TRAK2: variants seen among roughly 807,000 people sequenced by gnomAD.
The protein encoded by TRAK2 is trafficking kinesin protein 2, also known as trafficking kinesin-binding protein 2.
In TRAK2, 81 loss-of-function variants were observed where a neutral mutation model predicts 104.6. The ratio of observed to expected loss-of-function variants is 0.77; its 90% confidence interval spans 0.65 to 0.93. The LOEUF is 0.93. Among genes scored for constraint, TRAK2 ranks in the 40% least tolerant of loss-of-function variants. The pLI, the probability that TRAK2 is intolerant of heterozygous loss-of-function variation, is 0.00. For synonymous variants in TRAK2, 406 were observed against 394.4 expected (o/e 1.03, Z -0.35); for missense variants, 1,002 against 1,089.0 (o/e 0.92, Z 1.12).
At chr2:201,444,781 C>A (rs1211176246) in intron 1 of TRAK2, among the ~76,000 whole-genome samples, 1 of 151,892 alleles carries the variant, frequency 6.6e-6, no homozygotes, top group African/African-American at 2.4e-5. Context: ...TTTTCTCTCT[C>A]CTCCTTGCTG....
chr2:201,432,279 C>T (rs367771302), intron 1 of TRAK2, among the ~76,000 whole-genome samples: 28 of 152,206 alleles, frequency 1.8e-4, no homozygotes, highest in African/African-American at 6.3e-4. Context: ...GTCCTAAATG[C>T]AGTAGAAACT....
chr2:201,388,005 T>A lies in TRAK2; in HGVS notation c.1398-4A>T, dbSNP rs768849616. 2 of 1,613,906 alleles carry A rather than the reference T, an allele frequency of 1.2e-6. No individual in the cohort carries two copies. The highest frequency in any genetic ancestry group is 2.7e-5 in the African/African-American group (2 of 74,918). On this transcript the variant is annotated splice_polypyrimidine_tract_variant and splice_region_variant and intron_variant, in intron 12 of 15. Transcript: ENST00000332624. Reference sequence around the variant, plus strand: ...TTGGCCCATCTTCTGGGAGCTCCTATAGGAAAATCGCGTTCACTGATTAGA... The same window carrying A: ...TTGGCCCATCTTCTGGGAGCTCCTAAAGGAAAATCGCGTTCACTGATTAGA...
At chr2:201,448,329 T>C (rs1416156499) in intron 1 of TRAK2, among the ~76,000 whole-genome samples, 1 of 152,252 alleles carries the variant, frequency 6.6e-6, no homozygotes, top group East Asian at 1.9e-4. Context: ...ACCTTTGGTA[T>C]ATTTACTATC....
At chr2:201,434,044 G>A (rs983084060) in intron 1 of TRAK2, among the ~76,000 whole-genome samples, 6 of 151,732 alleles carry the variant, frequency 4.0e-5, no homozygotes, top group Admixed American at 2.0e-4. Flanking sequence ...TGCAACCTCC[G>A]CCTCCCGGGT....
chr2:201,407,526 T>C lies in TRAK2; in HGVS notation c.163A>G (p.Arg55Gly). 6.2e-7 allele frequency: 1 copy of C among 1,614,134 alleles called. No individual in the cohort carries two copies. Among genetic ancestry groups the C allele is most frequent in the Non-Finnish European group, 8.5e-7 (1 of 1,179,988 alleles). ...SLLEEQLPQY[R>G]LKVDTLFLYE... The stretch of plus-strand genomic sequence containing the variant: ...AGAAAGAGAGTGTCTACTTTTAGCC[T>C]ATACTGTGGTAGTTGTTCTTCTAGC... Residue 55 changes from arginine to glycine, a missense_variant, in exon 3 of 16, where the codon AGG becomes GGG. Coordinates refer to ENST00000332624, the MANE Select transcript of TRAK2 (RefSeq NM_015049.3).
At chr2:201,415,353 T>C (rs1390251785) in intron 2 of TRAK2, among the ~76,000 whole-genome samples, 2 of 152,132 alleles carry the variant, frequency 1.3e-5, no homozygotes, top group Admixed American at 6.5e-5. Context: ...ACAAAATTAC[T>C]AGATATGCAA....
At chr2:201,451,312 A>C (rs1952033881) in intron 1 of TRAK2, 38 bp downstream of exon 1, 1 of 152,198 alleles carries the variant, frequency 6.6e-6, no homozygotes, top group Admixed American at 6.5e-5. Context: ...GGAAGTTGTC[A>C]AGGGCAAGTT....
chr2:201,413,076 C>A (rs1367656089), intron 2 of TRAK2: 2 of 877,398 alleles, frequency 2.3e-6, no homozygotes, highest in Admixed American at 3.9e-5. Context: ...ATTATTTGAT[C>A]CTTTTCAAAT....
intron 2 of TRAK2, among the ~76,000 whole-genome samples, chr2:201,417,677 C>T (rs542706195): frequency 1.3e-5 from 2 of 152,242 alleles, no homozygotes; most frequent in South Asian, 4.1e-4. Context: ...AGGATGTTTG[C>T]TCTTACCATT....
chr2:201,414,068 T>A (rs572034990), intron 2 of TRAK2, among the ~76,000 whole-genome samples: 1 of 152,246 alleles, frequency 6.6e-6, no homozygotes, highest in East Asian at 1.9e-4. Flanking sequence ...AAGAAGTAAC[T>A]AAAATAAGCA....
intron 1 of TRAK2, among the ~76,000 whole-genome samples, chr2:201,423,305 G>A (rs974976064): frequency 1.8e-4 from 28 of 152,152 alleles, no homozygotes; most frequent in Non-Finnish European, 3.7e-4. Flanking sequence ...ACTGATACAT[G>A]CTGAATAAAT....
At chr2:201,393,241 AG>A (rs1465176294) in intron 9 of TRAK2, among the ~76,000 whole-genome samples, 195 bp from the exon 10 acceptor site, 3 of 152,162 alleles carry the variant, frequency 2.0e-5, no homozygotes, top group Admixed American at 1.3e-4. Flanking sequence ...AGAATTAGGG[AG>A]GGGTGTCTTG....
intron 15 of TRAK2, among the ~76,000 whole-genome samples, chr2:201,382,269 C>T (rs936318200): frequency 1.3e-5 from 2 of 152,084 alleles, no homozygotes; most frequent in African/African-American, 2.4e-5. Flanking sequence ...AATTTCCCTG[C>T]AAAACAAATG....
chr2:201,410,982 A>C, intron 2 of TRAK2: 3 of 1,506,986 alleles, frequency 2.0e-6, no homozygotes, highest in Non-Finnish European at 1.8e-6. Context: ...GGGCATGTTG[A>C]ATCCTGAAGT....
chr2:201,428,503 G>T (rs1576532429), intron 1 of TRAK2, among the ~76,000 whole-genome samples: 1 of 152,042 alleles, frequency 6.6e-6, no homozygotes. Context: ...ATTTTTCAGG[G>T]CTCTGTTCTG....
chr2:201,408,894 A>G (rs1325693169), intron 2 of TRAK2, among the ~76,000 whole-genome samples: 1 of 152,208 alleles, frequency 6.6e-6, no homozygotes, highest in Non-Finnish European at 1.5e-5. Flanking sequence ...AATTGCATTA[A>G]ATTTTACTGA....
At position 201,441,543 on chromosome 2, in the gene TRAK2, G is replaced by A. The variant is rs780997105; in HGVS notation, c.-200+9807C>T. On this transcript the variant is annotated intron_variant, in intron 1 of 15. Transcript: ENST00000332624. ...AGTGGTTTGGCCTAGTACTTGCTGAGAAAGTTAAGAATGGTTGAAATGTTT... is the reference window on the plus strand; with the variant it reads ...AGTGGTTTGGCCTAGTACTTGCTGAAAAAGTTAAGAATGGTTGAAATGTTT... Among the ~76,000 whole-genome samples, 19 of 152,292 alleles carry A rather than the reference G, an allele frequency of 1.2e-4. 1 individual carries two copies. Among genetic ancestry groups the A allele is most frequent in the Non-Finnish European group, 2.4e-4 (16 of 68,006 alleles).
intron 7 of TRAK2, among the ~76,000 whole-genome samples, chr2:201,396,935 A>T (rs1951508043): frequency 6.6e-6 from 1 of 152,214 alleles, no homozygotes; most frequent in African/African-American, 2.4e-5. Flanking sequence ...GGTTAACAGA[A>T]ACAATGAGAA....
intron 2 of TRAK2, among the ~76,000 whole-genome samples, chr2:201,414,989 T>C (rs545117062): frequency 1.6e-4 from 8 of 51,332 alleles, no homozygotes; most frequent in African/African-American, 3.3e-4. Context: ...TAAATATTCT[T>C]TAGACTAGCT....
Sources: allele counts gnomAD v4.1 joint callset (sites outside exome capture counted in the v4.1 genomes callset), GRCh38; gene constraint gnomAD v4.1.1; transcripts MANE v1.5; gene names NCBI Gene and HGNC (gene_info 2026-07-23, HGNC 2026-07-21).